IRAK2: variants seen among roughly 807,000 people sequenced by gnomAD.
IRAK2 encodes the protein interleukin-1 receptor-associated kinase-like 2.
In IRAK2, 57 loss-of-function variants were observed where a neutral mutation model predicts 72.0. The ratio of observed to expected loss-of-function variants is 0.79; its 90% CI spans 0.64 to 0.99. The LOEUF (loss-of-function observed/expected upper bound fraction) is 0.99. Ranked by LOEUF, IRAK2 falls within the 50% of genes least tolerant of loss-of-function variation. The probability of loss-of-function intolerance (pLI) is 0.00; values close to 1 mark genes in which losing one functional copy is unlikely to be tolerated. For missense variants in IRAK2, 790 were observed against 794.4 expected (o/e 0.99, Z 0.07); for synonymous variants, 293 against 312.7 (o/e 0.94, Z 0.67).
In IRAK2 at chr3:10,196,993, T is replaced by A. The variant is rs550737564; in HGVS notation, c.278-3376T>A. On this transcript the variant is annotated intron_variant, in intron 2 of 12. Transcript: ENST00000256458. ...AGCTAGCTTGCTAACTGATTTTTTT[T>A]AAAAGAAGTATACTTTACTGTGTAA... Among the ~76,000 whole-genome samples the A allele has an allele frequency of 1.1e-4, 16 of 152,284 alleles. No homozygotes were observed. In the East Asian group the frequency reaches 1.2e-3, roughly 11 times the overall value.
intron 1 of IRAK2, among the ~76,000 whole-genome samples, chr3:10,165,432 G>GTGGGT (rs1171297125): frequency 6.9e-6 from 1 of 145,624 alleles, no homozygotes; most frequent in Non-Finnish European, 1.5e-5. Flanking sequence ...TTCTTGGGGG[G>GTGGGT]GTGTGTGTGT....
chr3:10,224,067 T>A (rs1012109331), intron 9 of IRAK2, among the ~76,000 whole-genome samples: 1 of 152,064 alleles, frequency 6.6e-6, no homozygotes, highest in Non-Finnish European at 1.5e-5. Flanking sequence ...CAGGGAGTGG[T>A]GGCACATGCC....
chr3:10,166,464 T>C (rs1265646181), intron 1 of IRAK2, among the ~76,000 whole-genome samples: 2 of 152,064 alleles, frequency 1.3e-5, no homozygotes, highest in African/African-American at 4.8e-5. Flanking sequence ...CATTCCAGGC[T>C]CTTGCTGTAT....
chr3:10,166,021 G>T (rs1191608731), intron 1 of IRAK2, among the ~76,000 whole-genome samples: 20 of 151,854 alleles, frequency 1.3e-4, no homozygotes, highest in Admixed American at 1.3e-3. Context: ...GAGCCACCGC[G>T]CCCGGCCTCC....
intron 12 of IRAK2, among the ~76,000 whole-genome samples, chr3:10,240,887 G>A (rs1306882852): frequency 5.9e-5 from 9 of 151,758 alleles, no homozygotes; most frequent in Admixed American, 5.9e-4. Flanking sequence ...CAGTGTCCCT[G>A]TCCCTTAGTA....
At chr3:10,224,103 G>A (rs1026362870) in intron 9 of IRAK2, among the ~76,000 whole-genome samples, 1 of 152,128 alleles carries the variant, frequency 6.6e-6, no homozygotes. Context: ...TTGGGAGGCC[G>A]ATGTGGGCAG....
At chr3:10,183,272 A>G (rs1223553357) in intron 2 of IRAK2, among the ~76,000 whole-genome samples, 1 of 152,182 alleles carries the variant, frequency 6.6e-6, no homozygotes, top group Non-Finnish European at 1.5e-5. Context: ...TGGGGGCCAT[A>G]TCCCTGCACA....
intron 7 of IRAK2, among the ~76,000 whole-genome samples, chr3:10,219,167 G>C (rs923523447): frequency 6.6e-6 from 1 of 152,190 alleles, no homozygotes; most frequent in African/African-American, 2.4e-5. Context: ...ACTCCAGTCT[G>C]GGTGACAGAG....
chr3:10,218,377 T>C (rs1463808593), intron 7 of IRAK2, among the ~76,000 whole-genome samples: 1 of 146,476 alleles, frequency 6.8e-6, no homozygotes, highest in African/African-American at 2.5e-5. Flanking sequence ...TGAGCCGAGA[T>C]TGCACCACTG....
chr3:10,221,820 C>T (rs1206808456), intron 8 of IRAK2, among the ~76,000 whole-genome samples: 1 of 152,154 alleles, frequency 6.6e-6, no homozygotes, highest in Non-Finnish European at 1.5e-5. Context: ...AGTCACTGCA[C>T]CTGGCCTGCA....
chr3:10,219,609 C>T (rs1263121623), intron 7 of IRAK2, 71 bp from the exon 8 acceptor site: 24 of 1,137,084 alleles, frequency 2.1e-5, no homozygotes, highest in South Asian at 2.0e-4. Context: ...TGAGCCACCG[C>T]ACCTGGCTGC....
At chr3:10,237,207 A>C (rs1182502788) in intron 11 of IRAK2, among the ~76,000 whole-genome samples, 1 of 152,232 alleles carries the variant, frequency 6.6e-6, no homozygotes, top group Non-Finnish European at 1.5e-5. Flanking sequence ...TACTGTGAAG[A>C]TTTATCTCAA....
In IRAK2 at chr3:10,242,236, A is replaced by G. The variant is rs1414819832; in HGVS notation, c.*8A>G. 6 of 1,530,238 alleles carry G rather than the reference A, an allele frequency of 3.9e-6. No individual in the cohort carries two copies. The highest frequency in any genetic ancestry group is 5.4e-6 in the Non-Finnish European group (6 of 1,106,630). The allele number at this position is 1,530,238 out of a possible 1,614,324, so 94.8% of individuals were successfully genotyped here. On this transcript the variant is annotated 3_prime_UTR_variant, in exon 13 of 13. Coordinates refer to ENST00000256458, the MANE Select transcript of IRAK2 (RefSeq NM_001570.4). ...GAGCTCTTTGGCCCCTGATGACCGGAACACAGCTGAGGACCCTTGTCCTCA... is the reference window on the plus strand; with the variant it reads ...GAGCTCTTTGGCCCCTGATGACCGGGACACAGCTGAGGACCCTTGTCCTCA...
chr3:10,172,537 CAAAAAAAA>C (rs71055803), intron 1 of IRAK2, among the ~76,000 whole-genome samples: 1 of 34,928 alleles, frequency 2.9e-5, no homozygotes. Flanking sequence ...AACTCCGACT[CAAAAAAAA>C]AAAAAAAAAA....
chr3:10,220,388 A>ACTTGTGG (rs1274577964), intron 8 of IRAK2, among the ~76,000 whole-genome samples: 1 of 152,118 alleles, frequency 6.6e-6, no homozygotes, highest in East Asian at 1.9e-4. Flanking sequence ...GTATTTCCCC[A>ACTTGTGG]AAGTTCTCTT....
intron 2 of IRAK2, among the ~76,000 whole-genome samples, chr3:10,181,535 G>A (rs149732469): frequency 1.8e-3 from 278 of 152,210 alleles, no homozygotes; most frequent in Non-Finnish European, 3.0e-3. Context: ...GGGAGGCGGA[G>A]GTTGCAGTGA....
chr3:10,199,473 C>T (rs1697320334), intron 2 of IRAK2, among the ~76,000 whole-genome samples: 1 of 152,192 alleles, frequency 6.6e-6, no homozygotes. Context: ...GGGCCTGGTA[C>T]AGCCCGTCCT....
chr3:10,221,169 G>A (rs1345509525), intron 8 of IRAK2, among the ~76,000 whole-genome samples: 2 of 148,622 alleles, frequency 1.3e-5, no homozygotes, highest in Non-Finnish European at 3.0e-5. Flanking sequence ...AAGGCGGGCA[G>A]ATCACGAGGT....
chr3:10,200,185 G>T (rs1010226552), intron 2 of IRAK2, among the ~76,000 whole-genome samples, 184 bp from the exon 3 acceptor site: 4 of 152,128 alleles, frequency 2.6e-5, no homozygotes, highest in Admixed American at 2.6e-4. Flanking sequence ...ACCGCGCCTG[G>T]TCTACCGCAT....
Sources: allele counts gnomAD v4.1 joint callset (sites outside exome capture counted in the v4.1 genomes callset), GRCh38; gene constraint gnomAD v4.1.1; transcripts MANE v1.5; gene names NCBI Gene and HGNC (gene_info 2026-07-23, HGNC 2026-07-21).